Variants in JARID2 observed in about 807,000 individuals in gnomAD.
JARID2 encodes the protein protein Jumonji.
In JARID2, 21 loss-of-function variants were observed where a neutral mutation model predicts 125.6. That is an observed-to-expected ratio of 0.17 (90% confidence interval 0.12 to 0.24). JARID2 has a LOEUF of 0.24. JARID2 is among the 10% of genes least tolerant of loss of function. The probability of loss-of-function intolerance (pLI) is 1.00; values close to 1 mark genes in which losing one functional copy is unlikely to be tolerated. For missense variants in JARID2, 1,303 were observed against 1,639.6 expected (o/e 0.79, Z 3.55); for synonymous variants, 736 against 661.6 (o/e 1.11, Z -1.73).
chr6:15,326,743 A>G (rs186218767), intron 1 of JARID2, among the ~76,000 whole-genome samples: 1 of 152,336 alleles, frequency 6.6e-6, no homozygotes, highest in East Asian at 1.9e-4. Flanking sequence ...TAAAGTGATC[A>G]GTCCACCTTG....
chr6:15,431,361 G>C (rs531524384), intron 3 of JARID2, among the ~76,000 whole-genome samples: 14 of 152,282 alleles, frequency 9.2e-5, no homozygotes, highest in Non-Finnish European at 1.6e-4. Context: ...GCTGCGATCC[G>C]TATGTCTCAT....
intron 1 of JARID2, among the ~76,000 whole-genome samples, chr6:15,317,578 A>G (rs1016667824): frequency 6.6e-6 from 1 of 151,912 alleles, no homozygotes; most frequent in African/African-American, 2.4e-5. Context: ...AGTTTTCCCC[A>G]AAGGTACCTG....
At chr6:15,337,013 G>A (rs961801247) in intron 1 of JARID2, among the ~76,000 whole-genome samples, 7 of 152,156 alleles carry the variant, frequency 4.6e-5, no homozygotes, top group Non-Finnish European at 8.8e-5. Flanking sequence ...CCACTTAAAT[G>A]TGTAATGGGA....
In JARID2 at chr6:15,497,239, C is replaced by T. The variant is rs1021075763; in HGVS notation, c.1945+69C>T. 2.0e-5 allele frequency: 24 copies of T among 1,197,216 alleles called. No homozygotes were observed. The South Asian group carries it at 3.5e-4, about 18-fold the overall frequency. 74.2% of individuals were successfully genotyped at this position (1,197,216 alleles called of 1,614,324 possible). ...CCCCCAGATCCCTGCAGTTCCCTCA[C>T]AGTCTTCACGTTCTCTTCCCTTGCG... On this transcript the variant is annotated intron_variant, in intron 7 of 17. Transcript: ENST00000341776.
intron 1 of JARID2, among the ~76,000 whole-genome samples, chr6:15,348,653 T>G (rs983310817): frequency 6.6e-6 from 1 of 152,236 alleles, no homozygotes; most frequent in African/African-American, 2.4e-5. Flanking sequence ...TCTTGCTTTC[T>G]TCTCGAGTAT....
intron 7 of JARID2, among the ~76,000 whole-genome samples, chr6:15,499,769 A>C (rs552932850): frequency 1.4e-4 from 21 of 152,174 alleles, no homozygotes; most frequent in South Asian, 2.1e-4. Flanking sequence ...TGTTCTCCAC[A>C]ACCACATCAG....
chr6:15,458,041 CAT>C (rs1401977463), intron 4 of JARID2, among the ~76,000 whole-genome samples: 1 of 152,198 alleles, frequency 6.6e-6, no homozygotes, highest in African/African-American at 2.4e-5. Context: ...AAGGGGTCCA[CAT>C]GTCTCTTGCC....
intron 4 of JARID2, among the ~76,000 whole-genome samples, chr6:15,458,579 G>A (rs960036156): frequency 2.0e-5 from 3 of 152,254 alleles, no homozygotes; most frequent in South Asian, 2.1e-4. Context: ...AACTCTTTTT[G>A]TATGCTAGAC....
At chr6:15,320,550 T>C (rs1762317338) in intron 1 of JARID2, among the ~76,000 whole-genome samples, 1 of 152,170 alleles carries the variant, frequency 6.6e-6, no homozygotes, top group African/African-American at 2.4e-5. Flanking sequence ...GTAGTTTATT[T>C]TGAAACCTAC....
intron 6 of JARID2, among the ~76,000 whole-genome samples, chr6:15,489,462 T>TG (rs1316696503): frequency 6.6e-6 from 1 of 152,228 alleles, no homozygotes; most frequent in African/African-American, 2.4e-5. Context: ...CGAATAGGGA[T>TG]GCGTGGGATA....
In JARID2 at chr6:15,496,323, G is replaced by A; in HGVS notation, c.1098G>A (p.Lys366=). 2 of 1,614,144 alleles carry A rather than the reference G, an allele frequency of 1.2e-6. No homozygotes were observed. Among genetic ancestry groups the A allele is most frequent in the Non-Finnish European group, 1.7e-6 (2 of 1,180,034 alleles). ...LVKDTKPNHH[K]PSSAVNHTIS... is the part of the protein sequence containing the mutation. ...AGGACACCAAACCCAATCACCACAA[G>A]CCCAGTTCCGCTGTCAACCACACAA... is the stretch of plus-strand genomic sequence containing the variant. The change falls in exon 7 of 18, where the codon AAG becomes AAA. Residue 366 remains lysine (K), a synonymous_variant. Coordinates refer to ENST00000341776, the MANE Select transcript of JARID2 (RefSeq NM_004973.4).
chr6:15,378,782 A>G (rs1402356450), intron 2 of JARID2, among the ~76,000 whole-genome samples: 1 of 152,174 alleles, frequency 6.6e-6, no homozygotes, highest in Admixed American at 6.5e-5. Context: ...ATATAAATGG[A>G]TGATTGGAGG....
chr6:15,409,739 A>G (rs996520458), intron 2 of JARID2, among the ~76,000 whole-genome samples: 1 of 152,220 alleles, frequency 6.6e-6, no homozygotes, highest in African/African-American at 2.4e-5. Flanking sequence ...CAAGTGGAGT[A>G]GGATTTCTAG....
intron 12 of JARID2, chr6:15,509,402 G>GCTGCAGCCTCCT (rs1771167361): frequency 2.0e-6 from 2 of 978,808 alleles, no homozygotes; most frequent in South Asian, 4.7e-5. Context: ...GCCAGCGTCG[G>GCTGCAGCCTCCT]CTGCAGCCTC....
chr6:15,347,205 A>G (rs1401909226), intron 1 of JARID2, among the ~76,000 whole-genome samples: 1 of 152,214 alleles, frequency 6.6e-6, no homozygotes, highest in Non-Finnish European at 1.5e-5. Flanking sequence ...TTTAGCTATA[A>G]TTTATGGGCA....
At chr6:15,515,333 C>T (rs551936477) in intron 16 of JARID2, among the ~76,000 whole-genome samples, 19 of 152,248 alleles carry the variant, frequency 1.2e-4, no homozygotes, top group African/African-American at 3.4e-4. Flanking sequence ...TGCTGGAACA[C>T]GCTATTCATT....
chr6:15,343,502 TAA>T (rs138810016), intron 1 of JARID2, among the ~76,000 whole-genome samples: 7,999 of 152,228 alleles, frequency 0.053, 275 homozygotes, highest in South Asian at 0.11. Flanking sequence ...GAAGTTACAT[TAA>T]AGAGTTGGAT....
Position 15,371,770 on chromosome 6 carries a change from G to C in JARID2, c.46-2347G>C, listed in dbSNP as rs1325372082. 2.6e-5 allele frequency among the ~76,000 whole-genome samples: 4 copies of C among 152,264 alleles called. No individual in the cohort carries two copies. In the East Asian group the frequency reaches 7.7e-4, roughly 29 times the overall value. ...AAATTGTGTTTCTCTTGTTAGGTTG[G>C]GGCAAGGTTTGCTGGCTTCTCTTAG... On this transcript the variant is annotated intron_variant, in intron 1 of 17. Transcript: ENST00000341776.
chr6:15,264,612 A>AGTGTGTGTGTGTGTGTGTGT (rs148424538), intron 1 of JARID2, among the ~76,000 whole-genome samples: 5 of 146,138 alleles, frequency 3.4e-5, no homozygotes, highest in Admixed American at 6.8e-5. Flanking sequence ...GGTAGGTGTG[A>AGTGTGTGTGTGTGTGTGTGT]GTGTGTGTGT....
Sources: gnomAD v4.1 joint callset for allele counts (sites outside exome capture counted in the v4.1 genomes callset) on GRCh38, gnomAD v4.1.1 for gene constraint, MANE v1.5 for transcripts, NCBI Gene and HGNC (gene_info 2026-07-23, HGNC 2026-07-21) for gene names.